ESYT1: variants seen among roughly 807,000 people sequenced by gnomAD.
ESYT1 encodes extended synaptotagmin-1.
Under a neutral mutation model 154.2 loss-of-function variants are expected in ESYT1, and 116 were observed. The observed-to-expected ratio is 0.75, with a 90% CI of 0.65 to 0.88. ESYT1 has a LOEUF of 0.88. ESYT1 is among the 40% of genes least tolerant of loss of function. ESYT1 has a pLI of 0.00. For synonymous variants in ESYT1, 500 were observed against 539.9 expected, an observed-to-expected ratio of 0.93 and a Z score of 1.02; for missense variants, 1,264 against 1,379.3, an observed-to-expected ratio of 0.92 and a Z score of 1.32.
chr12:56,134,003 G>C, intron 13 of ESYT1, 107 bp from the exon 14 acceptor site: 1 of 1,534,378 alleles, frequency 6.5e-7, no homozygotes, highest in Non-Finnish European at 9.0e-7. Context: ...CCAGGGAGGG[G>C]ATCAGATCCA....
intron 22 of ESYT1, 94 bp from the exon 23 acceptor site, chr12:56,138,674 A>G (rs1467372314): frequency 7.3e-7 from 1 of 1,372,264 alleles, no homozygotes; most frequent in Non-Finnish European, 1.0e-6. Context: ...CCAAGTAATA[A>G]TGGAGACATG....
intron 18 of ESYT1, 34 bp downstream of exon 18, chr12:56,137,709 C>T: frequency 6.2e-7 from 1 of 1,609,470 alleles, no homozygotes. Flanking sequence ...CCTGGTTCTG[C>T]CCCATTTTTC....
rs1364136205 is a variant in ESYT1, at chr12:56,141,541, CCATCCTGGCTAA to C, written c.2593-741_2593-730del. On this transcript the variant is annotated intron_variant, in intron 24 of 30. Transcript: ENST00000394048. Reference sequence around the variant, plus strand: ...AGATCACAAGGTCAGGAGATCGAGACCATCCTGGCTAACACGGTGAAACCCTGTCTCTATTAA... The same window carrying C: ...AGATCACAAGGTCAGGAGATCGAGACCACGGTGAAACCCTGTCTCTATTAA... Among the ~76,000 whole-genome samples, 14 of 152,146 alleles carry C rather than the reference CCATCCTGGCTAA, an allele frequency of 9.2e-5. No individual in the cohort carries two copies. In the East Asian group the frequency reaches 2.7e-3, roughly 30 times the overall value.
intron 15 of ESYT1, among the ~76,000 whole-genome samples, chr12:56,136,531 C>T (rs759536850): frequency 2.7e-4 from 40 of 146,074 alleles, no homozygotes; most frequent in Non-Finnish European, 3.0e-5. Context: ...GTCGAAGTTG[C>T]AGTGAGCCAA....
Position 56,143,835 on chromosome 12 carries a change from GGAC to G in ESYT1, c.3289_3291del (p.Asp1097del). On this transcript the variant is annotated inframe_deletion, in exon 31 of 31. Transcript: ENST00000394048. Reference sequence around the variant, plus strand: ...CCTCTTTTCACAGGTATGACCTGATGGACAACAAGGACAAGGGCAGCTCCTAGG... The same window carrying G: ...CCTCTTTTCACAGGTATGACCTGATGAACAAGGACAAGGGCAGCTCCTAGG... The G allele has an allele frequency of 6.2e-7, 1 of 1,613,998 alleles. No homozygotes were observed. Among genetic ancestry groups the G allele is most frequent in the Non-Finnish European group, 8.5e-7 (1 of 1,179,914 alleles).
Position 56,142,992 on chromosome 12 carries a change from TATCACCTAC to T in ESYT1, c.2988-21_2988-13del, listed in dbSNP as rs1168826924. On this transcript the variant is annotated splice_polypyrimidine_tract_variant and intron_variant, in intron 27 of 30. Transcript: ENST00000394048. The surrounding 1 kb of genome is among the most constrained non-coding windows in gnomAD (Gnocchi z 4.1). ...CTCCATCCCTTCCCTCAGGTTACCA[TATCACCTAC>T]ATCCTCCTGTTGTAGGTCCCTTCGA... 2 of 1,614,016 alleles carry T rather than the reference TATCACCTAC, an allele frequency of 1.2e-6. No individual in the cohort carries two copies. Among genetic ancestry groups the T allele is most frequent in the Non-Finnish European group, 1.7e-6 (2 of 1,180,022 alleles).
In ESYT1 at chr12:56,138,225, C is replaced by G. The variant is rs35075600; in HGVS notation, c.2290C>G (p.Arg764Gly). 3 of 1,614,058 alleles carry G rather than the reference C, an allele frequency of 1.9e-6. No homozygotes were observed. Among genetic ancestry groups the G allele is most frequent in the Admixed American group, 1.7e-5 (1 of 59,996 alleles). The change falls in exon 21 of 31, where the codon CGC becomes GGC. Residue 764 changes from arginine (R) to glycine (G), a missense_variant. Coordinates refer to ENST00000394048, the MANE Select transcript of ESYT1 (RefSeq NM_015292.3). The stretch of plus-strand genomic sequence containing the variant: ...TGTCCCATCTGGCCGCCTGCACTTG[C>G]GCCTGGAGCGTCTCACCCCCCGTCC... ...EDVPSGRLHL[R>G]LERLTPRPTA...
chr12:56,137,119 G>A, intron 16 of ESYT1, 99 bp from the exon 17 acceptor site: 1 of 1,485,794 alleles, frequency 6.7e-7, no homozygotes, highest in Non-Finnish European at 9.3e-7. Context: ...GCAGCACCTA[G>A]TTCCCCTGTC....
In ESYT1 at chr12:56,134,358, A is replaced by G; in HGVS notation, c.1562A>G (p.Asn521Ser). Residue 521 changes from asparagine to serine, a missense_variant, in exon 15 of 31, where the codon AAC becomes AGC. Transcript: ENST00000394048. ...TQESKAVYST[N>S]CPVWEEAFRF... ...CATCTCCAGGCTGTCTACAGTACCA[A>G]CTGCCCAGTGTGGGAGGAAGCGTTC... is the stretch of plus-strand genomic sequence containing the variant. 2 of 1,614,114 alleles carry G rather than the reference A, an allele frequency of 1.2e-6. No individual in the cohort carries two copies. Among genetic ancestry groups the G allele is most frequent in the Non-Finnish European group, 1.7e-6 (2 of 1,180,002 alleles).
chr12:56,142,267 G>A lies in ESYT1; in HGVS notation c.2593-18G>A. The A allele has an allele frequency of 6.2e-7, 1 of 1,613,128 alleles. No homozygotes were observed. The highest frequency in any genetic ancestry group is 8.5e-7 in the Non-Finnish European group (1 of 1,179,444). On this transcript the variant is annotated intron_variant, in intron 24 of 30. Coordinates refer to ENST00000394048, the MANE Select transcript of ESYT1 (RefSeq NM_015292.3). The surrounding 1 kb of genome is among the most constrained non-coding windows in gnomAD (Gnocchi z 4.1). ...GTTGATGCATTCGCCTCTTGATCAT[G>A]GTCCTGTTGCCCCACAGGTTCGGGG...
At position 56,128,799 on chromosome 12, in the gene ESYT1, C is replaced by T. The variant is rs569644572; in HGVS notation, c.390+90C>T. 1.2e-5 allele frequency: 18 copies of T among 1,524,154 alleles called. No homozygotes were observed. In the Admixed American group the frequency reaches 2.8e-4, roughly 23 times the overall value. 94.4% of individuals were successfully genotyped at this position (1,524,154 alleles called of 1,614,324 possible). ...TTCCTCCTTATGCCTAGAGTCAGCT[C>T]CCTGCCTTGGGACAGTGGGCCCCAG... On this transcript the variant is annotated intron_variant, in intron 1 of 30. Coordinates refer to ENST00000394048, the MANE Select transcript of ESYT1 (RefSeq NM_015292.3).
chr12:56,132,311 G>A lies in ESYT1; in HGVS notation c.963G>A (p.Gln321=), dbSNP rs551281179. 1.2e-6 allele frequency: 2 copies of A among 1,614,102 alleles called. No individual in the cohort carries two copies. The highest frequency in any genetic ancestry group is 2.7e-5 in the African/African-American group (2 of 75,000). Residue 321 remains glutamine (Q), a synonymous_variant, in exon 8 of 31, where the codon CAG becomes CAA. Coordinates refer to ENST00000394048, the MANE Select transcript of ESYT1 (RefSeq NM_015292.3). The part of the protein sequence containing the change: ...PLVPDLQDVA[Q]LRSPLPRGII... ...TGCCTGACCTTCAAGATGTGGCTCAGTTGCGTTCCCCTCTGCCCAGGGTAT... is the reference window on the plus strand; with the variant it reads ...TGCCTGACCTTCAAGATGTGGCTCAATTGCGTTCCCCTCTGCCCAGGGTAT...
At chr12:56,141,688 T>C (rs1047553425) in intron 24 of ESYT1, among the ~76,000 whole-genome samples, 12 of 152,064 alleles carry the variant, frequency 7.9e-5, no homozygotes, top group East Asian at 1.9e-4. Flanking sequence ...TGCAGTGAGC[T>C]GAGATTGCGC....
chr12:56,141,709 C>T (rs1043868696), intron 24 of ESYT1, among the ~76,000 whole-genome samples: 6 of 152,072 alleles, frequency 3.9e-5, no homozygotes, highest in African/African-American at 4.8e-5. Flanking sequence ...CACTGCACTC[C>T]AGCCTGGGCA....
Position 56,132,638 on chromosome 12 carries a change from G to A in ESYT1, c.1161+41G>A, listed in dbSNP as rs777269475. 13 of 1,613,908 alleles carry A rather than the reference G, an allele frequency of 8.1e-6. No individual in the cohort carries two copies. The African/African-American group carries it at 1.7e-4, about 22-fold the overall frequency. ...AGCTCTGTGAAATGGGGAAGCCCCA[G>A]GAGGTTGTGAGAGAAGATGCTGATT... On this transcript the variant is annotated intron_variant, in intron 9 of 30. Coordinates refer to ENST00000394048, the MANE Select transcript of ESYT1 (RefSeq NM_015292.3).
chr12:56,136,830 C>G lies in ESYT1; in HGVS notation c.1719C>G (p.Asp573Glu). The part of the protein sequence containing the change: ...RLLTAPELIL[D>E]QWFQLSSSGP... ...TGACTGCCCCAGAACTCATCCTGGA[C>G]CAGTGGTTCCAGCTCAGCAGCTCTG... is the stretch of plus-strand genomic sequence containing the variant. The change falls in exon 16 of 31, where the codon GAC becomes GAG. Residue 573 changes from aspartate to glutamate, a missense_variant. Asp to Glu is a conservative substitution (Grantham distance 45). Coordinates refer to ENST00000394048, the MANE Select transcript of ESYT1 (RefSeq NM_015292.3). 6.2e-7 allele frequency: 1 copy of G among 1,610,598 alleles called. No individual in the cohort carries two copies. Among genetic ancestry groups the G allele is most frequent in the Non-Finnish European group, 8.5e-7 (1 of 1,178,082 alleles).
chr12:56,129,453 G>A (rs1363544748), intron 1 of ESYT1: 2 of 153,006 alleles, frequency 1.3e-5, no homozygotes, highest in Admixed American at 1.3e-4. Flanking sequence ...CTCCTGTGCT[G>A]AGGCGGATGC....
intron 24 of ESYT1, among the ~76,000 whole-genome samples, chr12:56,141,328 G>T (rs777158480): frequency 6.6e-6 from 1 of 152,180 alleles, no homozygotes; most frequent in Non-Finnish European, 1.5e-5. Context: ...AAAACAGGAG[G>T]GTTTTAAAGG....
intron 6 of ESYT1, 24 bp from the exon 7 acceptor site, chr12:56,131,725 C>T (rs1003676087): frequency 6.2e-7 from 1 of 1,613,784 alleles, no homozygotes; most frequent in Non-Finnish European, 8.5e-7. Flanking sequence ...AGGATCTGTC[C>T]TGACCCCTGC....
Sources: gnomAD v4.1 joint callset for allele counts (sites outside exome capture counted in the v4.1 genomes callset) on GRCh38, gnomAD v4.1.1 for gene constraint, Gnocchi (gnomAD v3.1) non-coding constraint, MANE v1.5 for transcripts, NCBI Gene and HGNC (gene_info 2026-07-23, HGNC 2026-07-21) for gene names.